The following SH2B3 variants were observed in gnomAD, a reference collection of about 807,000 sequenced individuals.
SH2B3 encodes the protein SH2B adaptor protein 3, also known as SH2B adapter protein 3.
SH2B3 carries 43 observed loss-of-function variants against 51.9 expected under a neutral mutation model. The observed-to-expected ratio is 0.83, with a 90% confidence interval of 0.65 to 1.07. The LOEUF (loss-of-function observed/expected upper bound fraction) is 1.07, where lower values mean the gene tolerates loss of function less well. Ranked by LOEUF, SH2B3 falls within the 50% of genes least tolerant of loss-of-function variation. The probability of loss-of-function intolerance (pLI) is 0.00; values close to 1 mark genes in which losing one functional copy is unlikely to be tolerated. For missense variants in SH2B3, 952 were observed against 834.3 expected (o/e 1.14, Z -1.74); for synonymous variants, 396 against 376.0 (o/e 1.05, Z -0.62).
At chr12:111,445,448 C>T (rs1455936027) in intron 2 of SH2B3, among the ~76,000 whole-genome samples, 3 of 152,238 alleles carry the variant, frequency 2.0e-5, no homozygotes, top group South Asian at 4.1e-4. Flanking sequence ...TGAGGCCTCA[C>T]TCTGCCTGCC....
chr12:111,434,837 C>T (rs759475821), intron 2 of SH2B3: 2 of 1,526,032 alleles, frequency 1.3e-6, no homozygotes, highest in Non-Finnish European at 1.8e-6. Context: ...ACATGGTAAA[C>T]GTTCAGTAAA....
In SH2B3 at chr12:111,446,999, T is replaced by C. The variant is rs748866718; in HGVS notation, c.892T>C (p.Trp298Arg). The C allele has an allele frequency of 3.7e-6, 6 of 1,613,966 alleles. No homozygotes were observed. Among genetic ancestry groups the C allele is most frequent in the Non-Finnish European group, 5.1e-6 (6 of 1,179,998 alleles). Reference sequence around the variant, plus strand: ...GGGAGACGAGCAGCAGCTGAATTCATGGATGGCTGAGCTCTCGGAGTGCAC... The same window carrying C: ...GGGAGACGAGCAGCAGCTGAATTCACGGATGGCTGAGCTCTCGGAGTGCAC... ...EVGDEQQLNS[W>R]MAELSECTGR... The change falls in exon 4 of 8, where the codon TGG becomes CGG. Residue 298 changes from tryptophan to arginine, a missense_variant. Transcript: ENST00000341259.
chr12:111,418,181 TTCCGCGCCCTCA>T lies in SH2B3; in HGVS notation c.37_48del (p.Ser13_Ser16del). 6.4e-7 allele frequency: 1 copy of T among 1,561,434 alleles called. No homozygotes were observed. Among genetic ancestry groups the T allele is most frequent in the Non-Finnish European group, 8.6e-7 (1 of 1,166,272 alleles). ...CTGCCCTGCAGCCCTCCTCGCCCTC[TTCCGCGCCCTCA>T]GCCTCCCCGGCGGCGGCCCCGCGGG... On this transcript the variant is annotated inframe_deletion, in exon 2 of 8. Transcript: ENST00000341259. The surrounding 1 kb of genome is among the most constrained non-coding windows in gnomAD (Gnocchi z 6.7).
At chr12:111,434,532 C>T (rs765345215) in intron 2 of SH2B3, among the ~76,000 whole-genome samples, 8 of 152,164 alleles carry the variant, frequency 5.3e-5, no homozygotes, top group Non-Finnish European at 1.2e-4. Context: ...CCCTGGTTTC[C>T]GATTTGACTT....
intron 1 of SH2B3, among the ~76,000 whole-genome samples, chr12:111,414,409 T>C (rs928558536): frequency 2.0e-5 from 3 of 152,058 alleles, no homozygotes; most frequent in African/African-American, 4.8e-5. Flanking sequence ...CTAGGCAACA[T>C]AGTGAGACCC....
At position 111,409,257 on chromosome 12, in the gene SH2B3, T is replaced by C. The variant is rs943225496; in HGVS notation, c.-28+2980T>C. On this transcript the variant is annotated intron_variant, in intron 1 of 7. Coordinates refer to ENST00000341259, the MANE Select transcript of SH2B3 (RefSeq NM_005475.3). The surrounding 1 kb of genome is among the most constrained non-coding windows in gnomAD (Gnocchi z 4.0). ...TCTGAGCCACAGGTCTTTTTGTCTA[T>C]GAAATAGGGGGGTTGCCAACTCCCT... Among the ~76,000 whole-genome samples the C allele has an allele frequency of 6.6e-6, 1 of 152,156 alleles. No homozygotes were observed. The highest frequency in any genetic ancestry group is 1.5e-5 in the Non-Finnish European group (1 of 68,028).
Position 111,447,755 on chromosome 12 carries a change from A to G in SH2B3, c.1336A>G (p.Ile446Val), listed in dbSNP as rs373631938. Residue 446 changes from isoleucine (I) to valine (V), a missense_variant, in exon 7 of 8, where the codon ATC becomes GTC. By Grantham distance (29) the Ile-to-Val change is conservative. Transcript: ENST00000341259. ...GCTCCACCACTTCCAGCGCTCGCCCATCCCACTCGAGTGCGGCGCCGCCTG... is the reference window on the plus strand; with the variant it reads ...GCTCCACCACTTCCAGCGCTCGCCCGTCCCACTCGAGTGCGGCGCCGCCTG... ...DMLHHFQRSP[I>V]PLECGAACDV... 11 of 1,613,958 alleles carry G rather than the reference A, an allele frequency of 6.8e-6. No homozygotes were observed. Among genetic ancestry groups the G allele is most frequent in the Non-Finnish European group, 8.5e-6 (10 of 1,180,016 alleles).
At position 111,448,596 on chromosome 12, in the gene SH2B3, A is replaced by G. The variant is rs1368838358; in HGVS notation, c.*294A>G. ...CCCAGTCCCCGTTACTCTTAGAGAA[A>G]GGAGTTGGGGTGAGGGCCAGAGCTG... On this transcript the variant is annotated 3_prime_UTR_variant, in exon 8 of 8. Transcript: ENST00000341259. 2.8e-6 allele frequency: 1 copy of G among 358,766 alleles called. No homozygotes were observed. The highest frequency in any genetic ancestry group is 5.1e-6 in the Non-Finnish European group (1 of 196,218). 22.2% of individuals were successfully genotyped at this position (358,766 alleles called of 1,614,324 possible).
At position 111,450,557 on chromosome 12, in the gene SH2B3, C is replaced by T. The variant is rs892299040; in HGVS notation, c.*2255C>T. 3.3e-5 allele frequency: 5 copies of T among 152,230 alleles called. No homozygotes were observed. The highest frequency in any genetic ancestry group is 6.5e-5 in the Admixed American group (1 of 15,286). 9.4% of individuals were successfully genotyped at this position (152,230 alleles called of 1,614,324 possible). On this transcript the variant is annotated 3_prime_UTR_variant, in exon 8 of 8. Transcript: ENST00000341259. ...ATGACGTCTTCATGCCAGGGGCACT[C>T]ATTTCTTAGCAGCCTCTCTACATAC...
intron 2 of SH2B3, chr12:111,444,753 G>A: frequency 6.1e-6 from 6 of 985,598 alleles, no homozygotes; most frequent in Non-Finnish European, 7.2e-6. Context: ...CAGAGCCTGA[G>A]CTGTCCAGGC....
In SH2B3 at chr12:111,418,387, A is replaced by G. The variant is rs746394261; in HGVS notation, c.242A>G (p.Asp81Gly). 68 of 1,504,962 alleles carry G rather than the reference A, an allele frequency of 4.5e-5. 1 individual carries two copies. Among genetic ancestry groups the G allele is most frequent in the Middle Eastern group, 2.2e-4 (1 of 4,604 alleles). 93.2% of individuals were successfully genotyped at this position (1,504,962 alleles called of 1,614,324 possible). The change falls in exon 2 of 8, where the codon GAC becomes GGC. Residue 81 changes from aspartate (D) to glycine (G), a missense_variant. Asp to Gly is a moderately conservative substitution (Grantham distance 94, BLOSUM62 -1). Transcript: ENST00000341259. The surrounding 1 kb of genome is among the most constrained non-coding windows in gnomAD (Gnocchi z 6.7). ...CGCTACTTCTGCCGCGAGGTGCGCGACGGACGGGCGCCGGGCCGCGACTAC... is the reference window on the plus strand; with the variant it reads ...CGCTACTTCTGCCGCGAGGTGCGCGGCGGACGGGCGCCGGGCCGCGACTAC... ...FQRYFCREVR[D>G]GRAPGRDYRD...
rs540040266 is a variant in SH2B3 at position 111,407,113 on chromosome 12, G to C, written c.-28+836G>C. 4.1e-4 allele frequency among the ~76,000 whole-genome samples: 63 copies of C among 152,288 alleles called. 2 individuals are homozygous for C. In the South Asian group the frequency reaches 0.012, roughly 30 times the overall value. ...CTGCATTTGAGGAACTGGAGAGGAG[G>C]GTCTGCCTGCCTGTCCCGCTTCTTT... On this transcript the variant is annotated intron_variant, in intron 1 of 7. Coordinates refer to ENST00000341259, the MANE Select transcript of SH2B3 (RefSeq NM_005475.3). This position sits in a 1 kb window ranked among gnomAD's most constrained non-coding sequence, Gnocchi z 4.3.
Position 111,418,309 on chromosome 12 carries a change from ACGCGCCGCTG to A in SH2B3, c.172_181del (p.Leu58SerfsTer136). On this transcript the variant is annotated frameshift_variant, in exon 2 of 8. Coordinates refer to ENST00000341259, the MANE Select transcript of SH2B3 (RefSeq NM_005475.3). LOFTEE classifies it high-confidence loss of function. The surrounding 1 kb of genome is among the most constrained non-coding windows in gnomAD (Gnocchi z 6.7). ...CTGTTCGCCCGGGAGCATCCGCAGC[ACGCGCCGCTG>A]CGCGCCGAGCTGGTGTCGCTGCAGT... 6.5e-7 allele frequency: 1 copy of A among 1,530,180 alleles called. No individual in the cohort carries two copies. Among genetic ancestry groups the A allele is most frequent in the Non-Finnish European group, 8.7e-7 (1 of 1,144,398 alleles). 94.8% of individuals were successfully genotyped at this position (1,530,180 alleles called of 1,614,324 possible).
rs144152836 is a variant in SH2B3 at position 111,451,004 on chromosome 12, T to A, written c.*2702T>A. The A allele has an allele frequency of 6.5e-6, 1 of 152,708 alleles. No homozygotes were observed. Among genetic ancestry groups the A allele is most frequent in the Non-Finnish European group, 1.5e-5 (1 of 68,060 alleles). 9.5% of individuals were successfully genotyped at this position (152,708 alleles called of 1,614,324 possible). On this transcript the variant is annotated 3_prime_UTR_variant, in exon 8 of 8. Transcript: ENST00000341259. Reference sequence around the variant, plus strand: ...ACATCATGATCCCTCCAGTTAGCTCTAATTACAGACCCCACCAGTACAGCT... The same window carrying A: ...ACATCATGATCCCTCCAGTTAGCTCAAATTACAGACCCCACCAGTACAGCT...
In SH2B3 at chr12:111,447,547, ATGGGG is replaced by A. The variant is rs111340708; in HGVS notation, c.1236+24_1236+28del. 277,267 of 583,428 alleles carry A rather than the reference ATGGGG, an allele frequency of 0.48. 47,682 individuals are homozygous for A. Among genetic ancestry groups the A allele is most frequent in the East Asian group, 0.85 (33,601 of 39,752 alleles). 36.1% of individuals were successfully genotyped at this position (583,428 alleles called of 1,614,324 possible). A position where few individuals can be genotyped will look rare whatever the true frequency, so the allele number is the denominator to read the frequency against. On this transcript the variant is annotated splice_donor_5th_base_variant and intron_variant, in intron 6 of 7. Coordinates refer to ENST00000341259, the MANE Select transcript of SH2B3 (RefSeq NM_005475.3). ...TCAACTTTCAGGGGATAGCCAAGGT[ATGGGG>A]TGGGGTGGGGTGGGGTGGGGCAGGC...
At chr12:111,412,385 C>A (rs1033851578) in intron 1 of SH2B3, among the ~76,000 whole-genome samples, 3 of 152,172 alleles carry the variant, frequency 2.0e-5, no homozygotes, top group Non-Finnish European at 4.4e-5. Flanking sequence ...AGCCGCCTCT[C>A]CCCTGAGAAG....
chr12:111,423,223 A>G (rs1871701135), intron 2 of SH2B3, among the ~76,000 whole-genome samples: 1 of 152,208 alleles, frequency 6.6e-6, no homozygotes, highest in Admixed American at 6.5e-5. Flanking sequence ...TCCAAGCACA[A>G]TCAGAAGCTG....
intron 2 of SH2B3, among the ~76,000 whole-genome samples, chr12:111,432,018 G>C (rs182294731): frequency 6.6e-6 from 1 of 152,308 alleles, no homozygotes; most frequent in African/African-American, 2.4e-5. Context: ...TTGCAGGCAG[G>C]AGCTTGTGGA....
intron 2 of SH2B3, among the ~76,000 whole-genome samples, chr12:111,433,592 G>A (rs1872646989): frequency 1.3e-5 from 2 of 152,042 alleles, no homozygotes; most frequent in African/African-American, 2.4e-5. Context: ...GTCTTGTTCT[G>A]TCACCCAGCC....
Sources: allele counts gnomAD v4.1 joint callset (sites outside exome capture counted in the v4.1 genomes callset), GRCh38; gene constraint gnomAD v4.1.1; non-coding constraint Gnocchi (gnomAD v3.1); transcripts MANE v1.5; gene names NCBI Gene and HGNC (gene_info 2026-07-23, HGNC 2026-07-21).